Variants in MYO5B observed in about 807,000 individuals in gnomAD.
MYO5B encodes the protein myosin VB.
Under a neutral mutation model 229.3 loss-of-function variants are expected in MYO5B, and 143 were observed. The ratio of observed to expected loss-of-function variants is 0.62; its 90% CI spans 0.54 to 0.72. The LOEUF is 0.72. Among genes scored for constraint, MYO5B ranks in the 30% least tolerant of loss-of-function variants. The pLI is 0.00. For missense variants in MYO5B, 2,321 were observed against 2,331.0 expected (o/e 1.00, Z 0.09); for synonymous variants, 918 against 885.2 (o/e 1.04, Z -0.66).
At chr18:50,071,265 G>C (rs922658513) in intron 1 of MYO5B, among the ~76,000 whole-genome samples, 2 of 152,146 alleles carry the variant, frequency 1.3e-5, no homozygotes, top group Admixed American at 1.3e-4. Context: ...CCTTTGTCAA[G>C]ACTGTTTGTT....
intron 11 of MYO5B, 89 bp downstream of exon 11, chr18:49,962,860 C>T: frequency 1.8e-6 from 2 of 1,142,102 alleles, no homozygotes; most frequent in South Asian, 1.2e-5. Context: ...CAGGGCCCAC[C>T]CACCTCAGAG....
intron 29 of MYO5B, among the ~76,000 whole-genome samples, chr18:49,861,177 T>C (rs146671115): frequency 8.0e-4 from 122 of 152,358 alleles, no homozygotes; most frequent in African/African-American, 2.9e-3. Flanking sequence ...TAATTTCCTA[T>C]TGTACACCAG....
chr18:49,965,625 T>A (rs1023684024), intron 10 of MYO5B, among the ~76,000 whole-genome samples: 27 of 152,112 alleles, frequency 1.8e-4, no homozygotes, highest in African/African-American at 6.5e-4. Context: ...TTATTATTAA[T>A]CCCATCCTGT....
intron 1 of MYO5B, among the ~76,000 whole-genome samples, chr18:50,188,741 C>T (rs2033184048): frequency 1.5e-5 from 2 of 135,336 alleles, no homozygotes; most frequent in African/African-American, 2.8e-5. Flanking sequence ...GAGCTGAGAT[C>T]GTTCCACTGC....
At chr18:50,157,689 C>T (rs1281894359) in intron 1 of MYO5B, among the ~76,000 whole-genome samples, 3 of 152,174 alleles carry the variant, frequency 2.0e-5, no homozygotes, top group African/African-American at 4.8e-5. Flanking sequence ...CAAAATGTGG[C>T]CCCGTTAGTC....
intron 1 of MYO5B, among the ~76,000 whole-genome samples, chr18:50,192,610 C>A (rs2033243465): frequency 6.6e-6 from 1 of 152,160 alleles, no homozygotes; most frequent in South Asian, 2.1e-4. Context: ...TCTGCCACAA[C>A]AATGCTCCTT....
At chr18:50,128,765 TTCCC>T (rs2032207916) in intron 1 of MYO5B, among the ~76,000 whole-genome samples, 1 of 152,138 alleles carries the variant, frequency 6.6e-6, no homozygotes, top group Admixed American at 6.5e-5. Flanking sequence ...GGGTCTCAGT[TTCCC>T]TCCCTGTGAC....
chr18:49,862,757 C>T lies in MYO5B; in HGVS notation c.3944+470G>A, dbSNP rs548344058. 7.2e-5 allele frequency among the ~76,000 whole-genome samples: 11 copies of T among 152,280 alleles called. No homozygotes were observed. The South Asian group carries it at 2.3e-3, about 32-fold the overall frequency. On this transcript the variant is annotated intron_variant, in intron 29 of 39. Transcript: ENST00000285039. ...ACGGTGGAGGTGAAATGCTTCCATT[C>T]CACCCCCAAGTGCCCAGCTTGGGTT...
chr18:50,163,518 C>T (rs1196062894), intron 1 of MYO5B, among the ~76,000 whole-genome samples: 1 of 152,250 alleles, frequency 6.6e-6, no homozygotes, highest in Non-Finnish European at 1.5e-5. Context: ...CATGAATCTC[C>T]TGGGGCACAC....
intron 4 of MYO5B, among the ~76,000 whole-genome samples, chr18:50,024,936 G>A (rs1360590830): frequency 6.6e-6 from 1 of 152,072 alleles, no homozygotes; most frequent in Admixed American, 6.5e-5. Context: ...CTGTCCTTAC[G>A]AACTGTATAA....
chr18:50,124,133 A>G (rs1252529447), intron 1 of MYO5B, among the ~76,000 whole-genome samples: 3 of 152,246 alleles, frequency 2.0e-5, no homozygotes, highest in Non-Finnish European at 4.4e-5. Flanking sequence ...TGATTAACAC[A>G]CAATGTCCTT....
chr18:50,191,913 TC>T (rs1297560659), intron 1 of MYO5B, among the ~76,000 whole-genome samples: 1 of 152,144 alleles, frequency 6.6e-6, no homozygotes, highest in African/African-American at 2.4e-5. Flanking sequence ...AGACCAAACA[TC>T]AAATTTATGA....
chr18:50,142,284 G>A (rs112760805), intron 1 of MYO5B, among the ~76,000 whole-genome samples: 3,880 of 152,326 alleles, frequency 0.025, 163 homozygotes, highest in African/African-American at 0.089. Flanking sequence ...GCAAGGAAGA[G>A]CTTGGCAAAA....
Position 50,036,852 on chromosome 18 carries a change from GGCCATCT to G in MYO5B, c.446_452del (p.Gln149ProfsTer10), listed in dbSNP as rs868178711. The stretch of plus-strand genomic sequence containing the variant: ...TTCTGGGCTGAGGACATTCTCACCT[GGCCATCT>G]GCTTGTAGGCTTCTTCTGCCACAGC... On this transcript the variant is annotated frameshift_variant, in exon 4 of 40. Transcript: ENST00000285039. LOFTEE classifies it high-confidence loss of function. 7 of 1,613,942 alleles carry G rather than the reference GGCCATCT, an allele frequency of 4.3e-6. No individual in the cohort carries two copies. The highest frequency in any genetic ancestry group is 5.1e-6 in the Non-Finnish European group (6 of 1,180,024).
chr18:49,955,761 A>G (rs1308769450), intron 12 of MYO5B, among the ~76,000 whole-genome samples: 1 of 152,232 alleles, frequency 6.6e-6, no homozygotes, highest in Non-Finnish European at 1.5e-5. Flanking sequence ...TATTTAATTC[A>G]GCACTTTCCA....
chr18:50,051,907 C>T (rs2030404122), intron 2 of MYO5B, among the ~76,000 whole-genome samples: 1 of 152,052 alleles, frequency 6.6e-6, no homozygotes, highest in Admixed American at 6.6e-5. Context: ...TAATGGGGAC[C>T]AAGTTTCAGT....
intron 1 of MYO5B, among the ~76,000 whole-genome samples, chr18:50,141,832 G>A (rs1468441212): frequency 6.6e-6 from 1 of 152,176 alleles, no homozygotes; most frequent in Non-Finnish European, 1.5e-5. Flanking sequence ...CCTGCCTCCT[G>A]GAGCTGAAGC....
At chr18:49,982,734 A>C (rs568756825) in intron 8 of MYO5B, among the ~76,000 whole-genome samples, 1 of 152,246 alleles carries the variant, frequency 6.6e-6, no homozygotes, top group Non-Finnish European at 1.5e-5. Context: ...GCTTTGCAAC[A>C]AACTGTATGG....
intron 14 of MYO5B, among the ~76,000 whole-genome samples, chr18:49,952,456 C>T (rs1328151038): frequency 6.6e-6 from 1 of 151,962 alleles, no homozygotes; most frequent in Non-Finnish European, 1.5e-5. Flanking sequence ...CCACCCTCTC[C>T]CCGTGCTCCT....
Sources: gnomAD v4.1 joint callset for allele counts (sites outside exome capture counted in the v4.1 genomes callset) on GRCh38, gnomAD v4.1.1 for gene constraint, MANE v1.5 for transcripts, NCBI Gene and HGNC (gene_info 2026-07-23, HGNC 2026-07-21) for gene names.